The following ZMYM2 variants were observed in gnomAD, a reference collection of about 807,000 sequenced individuals.
ZMYM2 encodes the protein zinc finger MYM-type containing 2, also known as zinc finger MYM-type protein 2.
Under a neutral mutation model 162.8 loss-of-function variants are expected in ZMYM2, and 56 were observed. The ratio of observed to expected loss-of-function variants is 0.34; its 90% CI spans 0.28 to 0.43. The LOEUF is 0.43. ZMYM2 is among the 20% of genes least tolerant of loss of function. ZMYM2 has a pLI of 1.00. For synonymous variants in ZMYM2, 510 were observed against 541.6 expected, an observed-to-expected ratio of 0.94 and a Z score of 0.81; for missense variants, 1,275 against 1,621.8, an observed-to-expected ratio of 0.79 and a Z score of 3.67.
At chr13:19,957,414 G>C (rs1448747376), upstream of ZMYM2, among the ~76,000 whole-genome samples, 1 of 152,238 alleles carries the variant, frequency 6.6e-6, no homozygotes, top group African/African-American at 2.4e-5. Context: ...AGAACCGCCA[G>C]GGCGAGACGA....
In ZMYM2 at chr13:20,088,483, ATGATCCAG is replaced by A. The variant is rs1171358226; in HGVS notation, c.*2473_*2480del. Reference sequence around the variant, plus strand: ...TTTTCTGAAGATTTTGCCATTTAAAATGATCCAGTGAAAAATATTTATCCACATTGAAG... The same window carrying A: ...TTTTCTGAAGATTTTGCCATTTAAAATGAAAAATATTTATCCACATTGAAG... On this transcript the variant is annotated 3_prime_UTR_variant, in exon 25 of 25. Transcript: ENST00000610343. 2 of 200,196 alleles carry A rather than the reference ATGATCCAG, an allele frequency of 1.0e-5. No individual in the cohort carries two copies. Among genetic ancestry groups the A allele is most frequent in the Non-Finnish European group, 2.1e-5 (2 of 97,092 alleles). The allele number at this position is 200,196 out of a possible 1,614,324, so 12.4% of individuals were successfully genotyped here.
chr13:19,955,661 G>T (rs1216663095), upstream of ZMYM2, among the ~76,000 whole-genome samples: 2 of 151,936 alleles, frequency 1.3e-5, no homozygotes, highest in Non-Finnish European at 2.9e-5. Context: ...TTGCTCTGTT[G>T]CCCAGGCTGG....
chr13:20,023,237 A>G (rs1566322008), intron 7 of ZMYM2, among the ~76,000 whole-genome samples: 1 of 152,208 alleles, frequency 6.6e-6, no homozygotes, highest in Admixed American at 6.5e-5. Flanking sequence ...GATGTCACAG[A>G]CTAAAGTTTA....
chr13:19,885,387 C>T, the ZMYM2 span, among the ~76,000 whole-genome samples: 1 of 152,170 alleles, frequency 6.6e-6, no homozygotes, highest in Non-Finnish European at 1.5e-5. Flanking sequence ...TAGGATTGTG[C>T]ACTGTCCCAT....
At position 20,061,059 on chromosome 13, in the gene ZMYM2, G is replaced by A; in HGVS notation, c.2746G>A (p.Val916Ile). 1 of 1,609,468 alleles carries A rather than the reference G, an allele frequency of 6.2e-7. No homozygotes were observed. The highest frequency in any genetic ancestry group is 2.2e-5 in the East Asian group (1 of 44,820). Residue 916 changes from valine (V) to isoleucine (I), a missense_variant, in exon 17 of 25, where the codon GTT becomes ATT. This residue lies in a region of ZMYM2 where 229 missense variants were observed against 283.8 expected (regional missense o/e 0.81). Coordinates refer to ENST00000610343, the MANE Select transcript of ZMYM2 (RefSeq NM_197968.4). ...VPTTVPVPVP[V>I]PVFLPAPLDS... ...AAATGATTTGGTTAATTAGGTGCCA[G>A]TTCCTGTTTTTCTGCCTGCTCCATT...
intron 21 of ZMYM2, among the ~76,000 whole-genome samples, chr13:20,068,563 G>A (rs1956850648): frequency 6.6e-6 from 1 of 152,010 alleles, no homozygotes; most frequent in Non-Finnish European, 1.5e-5. Flanking sequence ...CAAAACATGT[G>A]ACTCCAGTGG....
the ZMYM2 span, among the ~76,000 whole-genome samples, chr13:19,911,962 A>G: frequency 6.6e-6 from 1 of 152,230 alleles, no homozygotes. Context: ...CCACACCTCC[A>G]TTCAACTCAT....
chr13:19,956,042 G>A (rs967964095), upstream of ZMYM2, among the ~76,000 whole-genome samples: 1 of 152,162 alleles, frequency 6.6e-6, no homozygotes, highest in Non-Finnish European at 1.5e-5. Context: ...ATGCTGTTCA[G>A]AGGTTTTTAG....
At chr13:19,867,453 A>T in the ZMYM2 span, among the ~76,000 whole-genome samples, 1 of 152,146 alleles carries the variant, frequency 6.6e-6, no homozygotes, top group Non-Finnish European at 1.5e-5. Flanking sequence ...TGGGGTGGGG[A>T]AGAGAGAAAA....
chr13:19,948,702 T>G, the ZMYM2 span, among the ~76,000 whole-genome samples: 1 of 152,176 alleles, frequency 6.6e-6, no homozygotes, highest in Non-Finnish European at 1.5e-5. Flanking sequence ...AATAATGTGT[T>G]CATATAGGTT....
the ZMYM2 span, among the ~76,000 whole-genome samples, chr13:19,879,081 ATGTTTTCTTT>A: frequency 2.0e-5 from 3 of 152,172 alleles, no homozygotes; most frequent in Admixed American, 6.6e-5. Context: ...AATGTAATGA[ATGTTTTCTTT>A]TGTTTTCTTC....
chr13:19,898,820 A>C, the ZMYM2 span, among the ~76,000 whole-genome samples: 1 of 152,108 alleles, frequency 6.6e-6, no homozygotes, highest in Non-Finnish European at 1.5e-5. Context: ...CCAGCTATTC[A>C]GGATGCTGAG....
chr13:19,996,007 CTG>C (rs1473538522), intron 3 of ZMYM2, among the ~76,000 whole-genome samples: 2 of 151,786 alleles, frequency 1.3e-5, no homozygotes, highest in Admixed American at 6.6e-5. Context: ...AAAACAAACT[CTG>C]TGACTTTTTC....
chr13:20,008,392 A>C (rs1950914181), intron 6 of ZMYM2, among the ~76,000 whole-genome samples: 1 of 152,240 alleles, frequency 6.6e-6, no homozygotes, highest in Non-Finnish European at 1.5e-5. Flanking sequence ...CGGCCTTCCA[A>C]AGTGCTGGGA....
the ZMYM2 span, among the ~76,000 whole-genome samples, chr13:19,893,872 A>G: frequency 6.6e-6 from 1 of 151,918 alleles, no homozygotes; most frequent in Non-Finnish European, 1.5e-5. Flanking sequence ...TGCTGCCTAC[A>G]CTGGACTCCT....
chr13:20,052,571 A>G (rs1460927328), intron 14 of ZMYM2, among the ~76,000 whole-genome samples: 3 of 152,226 alleles, frequency 2.0e-5, no homozygotes, highest in African/African-American at 7.2e-5. Flanking sequence ...GGATGTTTCC[A>G]TAATAGATGC....
chr13:19,966,639 C>G (rs4769926), intron 2 of ZMYM2, among the ~76,000 whole-genome samples: 126,792 of 151,732 alleles, frequency 0.84, 54,103 homozygotes, highest in Non-Finnish European at 0.92. Context: ...CGGGGTTTCT[C>G]CATGTTGGTC....
At chr13:19,951,094 C>T in the ZMYM2 span, among the ~76,000 whole-genome samples, 1 of 152,146 alleles carries the variant, frequency 6.6e-6, no homozygotes, top group African/African-American at 2.4e-5. Flanking sequence ...GACAATAATT[C>T]TTCCAGTGTG....
At chr13:20,062,309 G>A (rs1027490752) in intron 17 of ZMYM2, among the ~76,000 whole-genome samples, 2 of 152,194 alleles carry the variant, frequency 1.3e-5, no homozygotes, top group African/African-American at 4.8e-5. Context: ...AAACCAGTGT[G>A]TATACAGATG....
Sources: allele counts gnomAD v4.1 joint callset (sites outside exome capture counted in the v4.1 genomes callset), GRCh38; gene constraint gnomAD v4.1.1; regional missense constraint gnomAD v4.1.1; transcripts MANE v1.5; gene names NCBI Gene and HGNC (gene_info 2026-07-23, HGNC 2026-07-21).